The following FMC1 variants were observed in gnomAD, a reference collection of about 807,000 sequenced individuals.
FMC1 encodes formation of mitochondrial complex V assembly factor 1, also known as protein FMC1 homolog.
FMC1 carries 6 observed loss-of-function variants against 10.5 expected under a neutral mutation model. The ratio of observed to expected loss-of-function variants is 0.57; its 90% CI spans 0.31 to 1.12. The LOEUF is 1.12. Among genes scored for constraint, FMC1 ranks in the 50% most tolerant of loss-of-function variants. The pLI is 0.05. For synonymous variants in FMC1, 59 were observed against 62.1 expected, an observed-to-expected ratio of 0.95 and a Z score of 0.24; for missense variants, 146 against 151.7, an observed-to-expected ratio of 0.96 and a Z score of 0.20.
intron 1 of FMC1, among the ~76,000 whole-genome samples, chr7:139,342,839 C>T (rs952558926): frequency 2.0e-5 from 3 of 152,142 alleles, no homozygotes; most frequent in African/African-American, 7.2e-5. Context: ...TTGAGAGAGA[C>T]TTGGTAATGG....
chr7:139,343,846 G>T (rs1799123662), intron 1 of FMC1, among the ~76,000 whole-genome samples: 1 of 148,020 alleles, frequency 6.8e-6, no homozygotes, highest in Admixed American at 6.8e-5. Context: ...GAGGCAGGAG[G>T]ATCACTTGAG....
At chr7:139,342,966 T>C (rs1005700101) in intron 1 of FMC1, among the ~76,000 whole-genome samples, 4 of 152,242 alleles carry the variant, frequency 2.6e-5, no homozygotes, top group Non-Finnish European at 5.9e-5. Context: ...CCATTTTCTC[T>C]ATCCTTTCCC....
chr7:139,345,532 A>G lies in FMC1; in HGVS notation c.170A>G (p.His57Arg), dbSNP rs748527337. 3.1e-6 allele frequency: 5 copies of G among 1,614,198 alleles called. No homozygotes were observed. The highest frequency in any genetic ancestry group is 2.2e-5 in the South Asian group (2 of 91,086). Residue 57 changes from histidine to arginine, a missense_variant, in exon 2 of 2, where the codon CAT (histidine) becomes CGT (arginine). His to Arg is a conservative substitution (Grantham distance 29). Transcript: ENST00000297534. ...VTSEKLCRAQ[H>R]ELHFQAATYL... ...AGTGAAAAGTTGTGCAGAGCCCAAC[A>G]TGAGCTTCATTTCCAAGCTGCCACC...
chr7:139,343,007 C>T (rs1799075073), intron 1 of FMC1, among the ~76,000 whole-genome samples: 1 of 152,188 alleles, frequency 6.6e-6, no homozygotes, highest in Non-Finnish European at 1.5e-5. Flanking sequence ...AGGGAGAAAC[C>T]TACCCTTTCT....
At chr7:139,341,614 G>A in intron 1 of FMC1, 92 bp downstream of exon 1, 1 of 1,524,480 alleles carries the variant, frequency 6.6e-7, no homozygotes, top group Non-Finnish European at 8.8e-7. Flanking sequence ...TTTAATTCCT[G>A]CATTTCTGAG....
chr7:139,341,848 T>C (rs952768248), intron 1 of FMC1, among the ~76,000 whole-genome samples: 2 of 152,160 alleles, frequency 1.3e-5, no homozygotes, highest in African/African-American at 2.4e-5. Context: ...GAGGATTCAA[T>C]GCTGGGGATA....
At chr7:139,341,236 C>A, upstream of FMC1, 3 of 1,376,008 alleles carry the variant, frequency 2.2e-6, no homozygotes, top group Non-Finnish European at 2.9e-6. Context: ...AAGGTTCGGT[C>A]AACGGACAAG....
chr7:139,341,820 A>G (rs991192469), intron 1 of FMC1, among the ~76,000 whole-genome samples: 3 of 152,194 alleles, frequency 2.0e-5, no homozygotes, highest in Non-Finnish European at 4.4e-5. Flanking sequence ...TGCGGAGGGC[A>G]GTCAGGAAAG....
Position 139,345,823 on chromosome 7 carries a change from GTTC to G in FMC1, c.*122_*124del. The G allele has an allele frequency of 1.8e-6, 2 of 1,096,430 alleles. No homozygotes were observed. The highest frequency in any genetic ancestry group is 2.5e-6 in the Non-Finnish European group (2 of 800,412). 67.9% of individuals were successfully genotyped at this position (1,096,430 alleles called of 1,614,324 possible). On this transcript the variant is annotated 3_prime_UTR_variant, in exon 2 of 2. Coordinates refer to ENST00000297534, the MANE Select transcript of FMC1 (RefSeq NM_197964.5). ...TTTTTCTCTGTAATTTTGTTTACTAGTTCTTAGGGGAATTAACTGGACATTTCA... is the reference window on the plus strand; with the variant it reads ...TTTTTCTCTGTAATTTTGTTTACTAGTTAGGGGAATTAACTGGACATTTCA...
intron 1 of FMC1, among the ~76,000 whole-genome samples, chr7:139,342,159 C>G (rs1003715677): frequency 8.6e-5 from 13 of 150,772 alleles, no homozygotes; most frequent in Non-Finnish European, 1.2e-4. Context: ...GGAACCTGGT[C>G]TAAACAGGAA....
At chr7:139,342,764 A>G (rs1471895220) in intron 1 of FMC1, among the ~76,000 whole-genome samples, 1 of 152,114 alleles carries the variant, frequency 6.6e-6, no homozygotes, top group African/African-American at 2.4e-5. Context: ...ACCTGGCCCC[A>G]TTCTAAGATT....
chr7:139,341,629 A>G lies in FMC1; in HGVS notation c.138+107A>G, dbSNP rs75799520. ...TTTAATTCCTGCATTTCTGAGGCCA[A>G]CCCTCCCACGGAGCCCTGGTTCTGA... On this transcript the variant is annotated intron_variant, in intron 1 of 1. Coordinates refer to ENST00000297534, the MANE Select transcript of FMC1 (RefSeq NM_197964.5). 4.5e-3 allele frequency: 6,609 copies of G among 1,461,172 alleles called. 252 individuals carry two copies. The African/African-American group carries it at 0.081, about 18-fold the overall frequency. 90.5% of individuals were successfully genotyped at this position (1,461,172 alleles called of 1,614,324 possible).
chr7:139,343,944 AAAG>A (rs1466141993), intron 1 of FMC1, among the ~76,000 whole-genome samples: 3 of 151,426 alleles, frequency 2.0e-5, no homozygotes, highest in Admixed American at 6.6e-5. Flanking sequence ...AAAAAAAAAA[AAAG>A]AGTTGGTGGG....
intron 1 of FMC1, chr7:139,345,010 G>C (rs1799206183): frequency 6.6e-6 from 1 of 152,300 alleles, no homozygotes; most frequent in African/African-American, 2.4e-5. Context: ...ACCGCGCCCG[G>C]CCAAGTTTTC....
intron 1 of FMC1, chr7:139,345,109 A>G (rs1799209551): frequency 6.1e-6 from 1 of 164,854 alleles, no homozygotes; most frequent in Non-Finnish European, 1.3e-5. Flanking sequence ...TGAAAGGGAG[A>G]AAGTTCTACA....
At chr7:139,340,544 A>T (rs184108220), upstream of FMC1, 36 of 398,364 alleles carry the variant, frequency 9.0e-5, no homozygotes, top group East Asian at 1.1e-3. Flanking sequence ...GGTGATGTGG[A>T]CTTTTGTTCT....
chr7:139,343,751 A>G (rs552709830), intron 1 of FMC1, among the ~76,000 whole-genome samples: 6 of 152,252 alleles, frequency 3.9e-5, no homozygotes, highest in African/African-American at 9.6e-5. Context: ...CCTGGGCAAC[A>G]TGGTGAAACC....
chr7:139,341,698 C>T (rs1798980135), intron 1 of FMC1, among the ~76,000 whole-genome samples, 176 bp downstream of exon 1: 3 of 151,716 alleles, frequency 2.0e-5, no homozygotes, highest in African/African-American at 2.4e-5. Context: ...GGCATAAACT[C>T]GGGGACCAAA....
intron 1 of FMC1, 123 bp from the exon 2 acceptor site, chr7:139,345,378 T>C: frequency 2.9e-6 from 4 of 1,401,678 alleles, no homozygotes; most frequent in Non-Finnish European, 3.8e-6. Context: ...TGTATATACA[T>C]ACATGTCTGT....
Sources: gnomAD v4.1 joint callset for allele counts (sites outside exome capture counted in the v4.1 genomes callset) on GRCh38, gnomAD v4.1.1 for gene constraint, MANE v1.5 for transcripts, NCBI Gene and HGNC (gene_info 2026-07-23, HGNC 2026-07-21) for gene names.